Variants in POLK observed in about 807,000 individuals in gnomAD.
POLK encodes DNA polymerase kappa.
In POLK, 76 loss-of-function variants were observed where a neutral mutation model predicts 94.0. That is an observed-to-expected ratio of 0.81 (90% CI 0.67 to 0.98). The LOEUF (loss-of-function observed/expected upper bound fraction) is 0.98, where lower values mean the gene tolerates loss of function less well. Ranked by LOEUF, POLK falls within the 50% of genes least tolerant of loss-of-function variation. POLK has a pLI of 0.00. For synonymous variants in POLK, 349 were observed against 325.4 expected (o/e 1.07, Z -0.78); for missense variants, 954 against 1,010.1 (o/e 0.94, Z 0.75).
chr5:75,565,109 C>A (rs988505452), intron 3 of POLK, among the ~76,000 whole-genome samples: 1 of 152,128 alleles, frequency 6.6e-6, no homozygotes, highest in Non-Finnish European at 1.5e-5. Flanking sequence ...ACCTTGTCTT[C>A]ATGTTTTATT....
At chr5:75,546,886 C>T (rs187989715) in intron 1 of POLK, 124 bp from the exon 2 acceptor site, 16 of 430,508 alleles carry the variant, frequency 3.7e-5, no homozygotes, top group South Asian at 7.0e-5. Flanking sequence ...AGGCTGGTGT[C>T]GAACCCCTGA....
chr5:75,591,410 A>T (rs1772777341), intron 11 of POLK, among the ~76,000 whole-genome samples: 1 of 148,176 alleles, frequency 6.7e-6, no homozygotes, highest in Non-Finnish European at 1.5e-5. Context: ...TTTTCTTTTT[A>T]AAAAATATTT....
chr5:75,522,642 T>C (rs1768642676), intron 1 of POLK, among the ~76,000 whole-genome samples: 2 of 152,188 alleles, frequency 1.3e-5, no homozygotes, highest in Non-Finnish European at 2.9e-5. Context: ...ATCATCTTTT[T>C]AGGTGATTCC....
chr5:75,584,681 A>G, intron 8 of POLK, 79 bp from the exon 9 acceptor site: 1 of 867,550 alleles, frequency 1.2e-6, no homozygotes. Flanking sequence ...CAAAAAAAAA[A>G]AAAGTGTAAT....
In POLK at chr5:75,559,505, G is replaced by GTTTTTTTTTTTTT. The variant is rs1561371144; in HGVS notation, c.255+6921_255+6922insTTTTTTTTTTTTT. Among the ~76,000 whole-genome samples, 33 of 70,102 alleles carry GTTTTTTTTTTTTT rather than the reference G, an allele frequency of 4.7e-4. 4 individuals carry two copies. The highest frequency in any genetic ancestry group is 7.3e-4 in the Non-Finnish European group (22 of 30,226). The allele number at this position is 70,102 out of a possible 152,430, so 46.0% of individuals were successfully genotyped here. ...TTGGCAATTTATTGATTTGGGGTTT[G>GTTTTTTTTTTTTT]TTTTTTTGTTTTGTTTTGTTTTTTT... On this transcript the variant is annotated intron_variant, in intron 3 of 14. Transcript: ENST00000241436.
chr5:75,583,302 C>A, exon 8 of POLK: 1 of 1,591,532 alleles, frequency 6.3e-7, no homozygotes, highest in South Asian at 1.2e-5. Flanking sequence ...GGCATTGCCC[C>A]AAATACAATG....
At chr5:75,582,341 G>A (rs1561397083) in intron 7 of POLK, 1 of 153,620 alleles carries the variant, frequency 6.5e-6, no homozygotes, top group Non-Finnish European at 1.4e-5. Flanking sequence ...AATGAATAAT[G>A]CATTTTAGGA....
At chr5:75,560,977 T>G (rs1472449637) in intron 3 of POLK, among the ~76,000 whole-genome samples, 1 of 152,202 alleles carries the variant, frequency 6.6e-6, no homozygotes, top group Non-Finnish European at 1.5e-5. Context: ...TAAACATACA[T>G]GTACATGTGT....
chr5:75,604,440 G>C (rs1773371532), downstream of POLK, among the ~76,000 whole-genome samples: 1 of 152,188 alleles, frequency 6.6e-6, no homozygotes, highest in African/African-American at 2.4e-5. Context: ...ACATTGTCAT[G>C]ATCATAACTC....
chr5:75,577,212 A>G (rs5744655), intron 6 of POLK, among the ~76,000 whole-genome samples: 1,635 of 152,308 alleles, frequency 0.011, 18 homozygotes, highest in East Asian at 0.021. Context: ...TTATTTTCCT[A>G]AGGTCTAACT....
chr5:75,514,963 T>C (rs1768254538), intron 1 of POLK, among the ~76,000 whole-genome samples: 1 of 152,232 alleles, frequency 6.6e-6, no homozygotes, highest in Non-Finnish European at 1.5e-5. Flanking sequence ...TCTAGGTGTG[T>C]TACATAGTTT....
Position 75,590,361 on chromosome 5 carries a change from A to G in POLK, c.1277A>G (p.Asn426Ser), listed in dbSNP as rs773425937. ...CTTTCTAGGACATTCAGTGAGATAA[A>G]TAAAGCGGAAGAGCAATACAGCCTA... The change falls in exon 11 of 15, where the codon AAT (asparagine) becomes AGT (serine). Residue 426 changes from asparagine (N) to serine (S), a missense_variant. By Grantham distance (46) the Asn-to-Ser change is conservative. Transcript: ENST00000241436. 8.8e-6 allele frequency: 14 copies of G among 1,590,892 alleles called. No individual in the cohort carries two copies. The South Asian group carries it at 1.2e-4, about 14-fold the overall frequency.
intron 1 of POLK, among the ~76,000 whole-genome samples, chr5:75,514,840 A>AGGT (rs1443181437): frequency 1.3e-5 from 2 of 152,000 alleles, no homozygotes; most frequent in African/African-American, 4.8e-5. Context: ...ACTCCAGTGT[A>AGGT]GGTGACAAAG....
At chr5:75,536,893 G>T (rs1769471367) in intron 1 of POLK, among the ~76,000 whole-genome samples, 1 of 152,140 alleles carries the variant, frequency 6.6e-6, no homozygotes, top group African/African-American at 2.4e-5. Flanking sequence ...GGGCGGGTAG[G>T]GTCATGTAGT....
chr5:75,563,987 A>C (rs552112127), intron 3 of POLK, among the ~76,000 whole-genome samples: 1 of 152,294 alleles, frequency 6.6e-6, no homozygotes, highest in South Asian at 2.1e-4. Context: ...TAATGTTGAC[A>C]GTGGGGTGTT....
intron 1 of POLK, among the ~76,000 whole-genome samples, chr5:75,542,076 A>G (rs10077427): frequency 0.13 from 19,611 of 152,220 alleles, 1,370 homozygotes; most frequent in East Asian, 0.23. Flanking sequence ...ATAGAGAATA[A>G]CGAGCATTTA....
At chr5:75,576,972 GA>G (rs748170450) in intron 6 of POLK, 39 bp downstream of exon 6, 16,995 of 1,006,654 alleles carry the variant, frequency 0.017, no homozygotes, top group South Asian at 0.028. Flanking sequence ...AAGAAGCAGT[GA>G]AAAAAAAAAA....
chr5:75,547,308 CTTCTA>C (rs41542012), intron 2 of POLK, 151 bp downstream of exon 2: 22,281 of 284,642 alleles, frequency 0.078, 1,102 homozygotes, highest in South Asian at 0.11. Context: ...AATAATCTCC[CTTCTA>C]TTCTGTTGCT....
chr5:75,569,248 T>C (rs986363647), intron 3 of POLK, 92 bp from the exon 4 acceptor site: 7 of 839,588 alleles, frequency 8.3e-6, no homozygotes, highest in African/African-American at 6.8e-5. Flanking sequence ...CAGAGACTGA[T>C]AGACACTTAA....
Sources: gnomAD v4.1 joint callset for allele counts (sites outside exome capture counted in the v4.1 genomes callset) on GRCh38, gnomAD v4.1.1 for gene constraint, MANE v1.5 for transcripts, NCBI Gene and HGNC (gene_info 2026-07-23, HGNC 2026-07-21) for gene names.